Variants in LRRC37A2 observed in about 807,000 individuals in gnomAD.
LRRC37A2 encodes leucine rich repeat containing 37 member A2.
Under a neutral mutation model 68.8 loss-of-function variants are expected in LRRC37A2, and 9 were observed. The observed-to-expected ratio is 0.13, with a 90% CI of 0.08 to 0.23. The LOEUF (loss-of-function observed/expected upper bound fraction) is 0.23, where lower values mean the gene tolerates loss of function less well. Ranked by LOEUF, LRRC37A2 falls within the 10% of genes least tolerant of loss-of-function variation. The pLI, the probability that LRRC37A2 is intolerant of heterozygous loss-of-function variation, is 1.00. For missense variants in LRRC37A2, 168 were observed against 950.4 expected (o/e 0.18, Z 10.82); for synonymous variants, 63 against 367.6 (o/e 0.17, Z 9.48).
chr17:46,998,373 G>A, the LRRC37A2 span, among the ~76,000 whole-genome samples: 2 of 152,196 alleles, frequency 1.3e-5, no homozygotes, highest in African/African-American at 4.8e-5. Context: ...TTTATGAAGT[G>A]AAGGAGGGGA....
the LRRC37A2 span, among the ~76,000 whole-genome samples, chr17:46,957,750 T>C: frequency 1.3e-5 from 2 of 152,150 alleles, no homozygotes; most frequent in Non-Finnish European, 2.9e-5. Context: ...AGGATGCAGT[T>C]TGAACCTGTA....
At chr17:46,820,211 C>T in the LRRC37A2 span, among the ~76,000 whole-genome samples, 1 of 152,202 alleles carries the variant, frequency 6.6e-6, no homozygotes, top group Non-Finnish European at 1.5e-5. Context: ...CGGCTGCTGC[C>T]GGCACAGGGA....
the LRRC37A2 span, among the ~76,000 whole-genome samples, chr17:46,599,886 T>TA: frequency 1.9e-5 from 2 of 107,068 alleles, no homozygotes; most frequent in African/African-American, 4.3e-5. Flanking sequence ...TAATAATAAA[T>TA]AAAAAATAGA....
chr17:46,884,267 A>C, the LRRC37A2 span, among the ~76,000 whole-genome samples: 3 of 152,068 alleles, frequency 2.0e-5, no homozygotes, highest in Non-Finnish European at 4.4e-5. Flanking sequence ...TTTAATTCAG[A>C]AGCTGATTTC....
At chr17:47,014,758 G>GT in the LRRC37A2 span, among the ~76,000 whole-genome samples, 1 of 152,074 alleles carries the variant, frequency 6.6e-6, no homozygotes. Flanking sequence ...TGGGGAGAAG[G>GT]TAACTGGCCT....
the LRRC37A2 span, among the ~76,000 whole-genome samples, chr17:46,870,245 C>T: frequency 2.0e-5 from 3 of 152,134 alleles, no homozygotes; most frequent in South Asian, 4.1e-4. Context: ...CACCAGCCCT[C>T]GGTGTGAGAA....
At chr17:46,986,663 A>G in the LRRC37A2 span, among the ~76,000 whole-genome samples, 4 of 152,240 alleles carry the variant, frequency 2.6e-5, no homozygotes, top group East Asian at 7.7e-4. Flanking sequence ...TATTTAGCTT[A>G]GACACTGTGG....
chr17:46,869,996 C>G, the LRRC37A2 span, among the ~76,000 whole-genome samples: 11 of 143,258 alleles, frequency 7.7e-5, no homozygotes, highest in Admixed American at 7.0e-5. Context: ...AAGACTGTCT[C>G]AAAAAAAAAA....
the LRRC37A2 span, among the ~76,000 whole-genome samples, chr17:46,828,630 G>A: frequency 3.9e-4 from 59 of 152,116 alleles, no homozygotes; most frequent in African/African-American, 1.4e-3. Context: ...GGAGGGTGTA[G>A]GGTTGAGGTG....
At chr17:46,494,084 A>G in the LRRC37A2 span, among the ~76,000 whole-genome samples, 6 of 149,842 alleles carry the variant, frequency 4.0e-5, no homozygotes, top group Non-Finnish European at 8.8e-5. Flanking sequence ...AGCTCAAGCA[A>G]TCTGCCTACC....
At chr17:46,896,434 G>T in the LRRC37A2 span, among the ~76,000 whole-genome samples, 14 of 103,956 alleles carry the variant, frequency 1.3e-4, no homozygotes, top group African/African-American at 9.8e-4. Flanking sequence ...AAGAAAGAAA[G>T]AAAGAAAGAA....
the LRRC37A2 span, among the ~76,000 whole-genome samples, chr17:46,719,544 T>C: frequency 4.6e-5 from 7 of 152,210 alleles, no homozygotes; most frequent in African/African-American, 1.7e-4. The surrounding 1 kb of genome is among the most constrained non-coding windows in gnomAD (Gnocchi z 4.3). Context: ...GAAGTATGTA[T>C]GAGGTATTGT....
At chr17:46,721,216 G>A in the LRRC37A2 span, among the ~76,000 whole-genome samples, 5 of 152,170 alleles carry the variant, frequency 3.3e-5, no homozygotes, top group African/African-American at 9.7e-5. Flanking sequence ...AGCCTGTGTC[G>A]TACCTCCACC....
the LRRC37A2 span, among the ~76,000 whole-genome samples, chr17:47,005,313 C>T: frequency 6.6e-6 from 1 of 152,192 alleles, no homozygotes; most frequent in Non-Finnish European, 1.5e-5. Flanking sequence ...GCTCACAGTG[C>T]AGACAACTTT....
chr17:46,971,205 T>A, the LRRC37A2 span, among the ~76,000 whole-genome samples: 1 of 152,050 alleles, frequency 6.6e-6, no homozygotes, highest in Non-Finnish European at 1.5e-5. Flanking sequence ...GGCATGGTGG[T>A]GGGTGCCTGT....
At chr17:46,762,388 C>G in the LRRC37A2 span, 1 of 152,008 alleles carries the variant, frequency 6.6e-6, no homozygotes, top group African/African-American at 2.4e-5. Context: ...GCTTAGAAAA[C>G]AGAGGAAATA....
At chr17:46,810,714 G>T in the LRRC37A2 span, among the ~76,000 whole-genome samples, 3 of 151,926 alleles carry the variant, frequency 2.0e-5, no homozygotes, top group African/African-American at 4.8e-5. Context: ...AGGCACAGAT[G>T]GTCCAAATAG....
the LRRC37A2 span, among the ~76,000 whole-genome samples, chr17:46,945,857 T>C: frequency 6.6e-6 from 1 of 152,204 alleles, no homozygotes; most frequent in African/African-American, 2.4e-5. Context: ...GGTAAAACCC[T>C]GGAGATAAAC....
At chr17:46,494,891 C>G in the LRRC37A2 span, among the ~76,000 whole-genome samples, 13 of 151,210 alleles carry the variant, frequency 8.6e-5, no homozygotes, top group Admixed American at 2.0e-4. Context: ...TCTAGTCACC[C>G]TACTGTGCAA....
Sources: allele counts gnomAD v4.1 joint callset (sites outside exome capture counted in the v4.1 genomes callset), GRCh38; gene constraint gnomAD v4.1.1; non-coding constraint Gnocchi (gnomAD v3.1); transcripts MANE v1.5; gene names NCBI Gene and HGNC (gene_info 2026-07-23, HGNC 2026-07-21).